ELFN2: variants seen among roughly 807,000 people sequenced by gnomAD.
ELFN2 encodes the protein protein phosphatase 1 regulatory subunit 29.
ELFN2 carries 17 observed loss-of-function variants against 45.5 expected under a neutral mutation model. The observed-to-expected ratio is 0.37, with a 90% confidence interval of 0.26 to 0.56. The LOEUF (loss-of-function observed/expected upper bound fraction) is 0.56, where lower values mean the gene tolerates loss of function less well. Among genes scored for constraint, ELFN2 ranks in the 20% least tolerant of loss-of-function variants. ELFN2 has a pLI of 0.77. For missense variants in ELFN2, 922 were observed against 1,183.2 expected (o/e 0.78, Z 3.24); for synonymous variants, 550 against 551.5 (o/e 1.00, Z 0.04).
In ELFN2 at chr22:37,389,729, C is replaced by A. The variant is rs191228832; in HGVS notation, c.-462-13733G>T. Among the ~76,000 whole-genome samples, 526 of 152,288 alleles carry A rather than the reference C, an allele frequency of 3.5e-3. 2 individuals carry two copies. Among genetic ancestry groups the A allele is most frequent in the African/African-American group, 0.012 (496 of 41,536 alleles). ...TCTCTCCTGGTGCTGAGCTGTTTAG[C>A]CCTTGCCTGTCTTCTCCATGCCCCC... On this transcript the variant is annotated intron_variant, in intron 2 of 2. Coordinates refer to ENST00000402918, the MANE Select transcript of ELFN2 (RefSeq NM_052906.5).
At chr22:37,393,608 T>C (rs1166571305) in intron 2 of ELFN2, among the ~76,000 whole-genome samples, 3 of 152,140 alleles carry the variant, frequency 2.0e-5, no homozygotes, top group Non-Finnish European at 2.9e-5. Context: ...CTAAGTCCCA[T>C]ATGGTCCCAT....
chr22:37,394,592 G>A lies in ELFN2; in HGVS notation c.-462-18596C>T, dbSNP rs76845248. Among the ~76,000 whole-genome samples the A allele has an allele frequency of 1.0e-2, 1,517 of 152,296 alleles. 22 individuals are homozygous for A. The highest frequency in any genetic ancestry group is 0.034 in the African/African-American group (1,427 of 41,566). ...TGGCCAGCACCGTGAGTCCTCCCCC[G>A]CAGCTCCCGCCCCGGCACACAGTAG... On this transcript the variant is annotated intron_variant, in intron 2 of 2. Coordinates refer to ENST00000402918, the MANE Select transcript of ELFN2 (RefSeq NM_052906.5).
intron 2 of ELFN2, among the ~76,000 whole-genome samples, chr22:37,413,594 G>A (rs974500978): frequency 1.3e-5 from 2 of 150,830 alleles, no homozygotes; most frequent in Admixed American, 1.3e-4. Context: ...AGATCCCACA[G>A]CCCATTAATG....
At chr22:37,413,701 C>A (rs1269908244) in intron 2 of ELFN2, among the ~76,000 whole-genome samples, 3 of 152,174 alleles carry the variant, frequency 2.0e-5, no homozygotes, top group Non-Finnish European at 1.5e-5. Flanking sequence ...CCCCATTTTA[C>A]AGACAAGTAA....
In ELFN2 at chr22:37,375,837, C is replaced by CCTT; in HGVS notation, c.-304_-303insAAG. ...GGTTCTCAGGGCTTGACTTCCTCTC[C>CCTT]CTCCTCCTCCTCCTCCTCCTCCTCC... On this transcript the variant is annotated 5_prime_UTR_variant, in exon 3 of 3. Coordinates refer to ENST00000402918, the MANE Select transcript of ELFN2 (RefSeq NM_052906.5). The CCTT allele has an allele frequency of 5.7e-6, 1 of 176,410 alleles. No homozygotes were observed. Among genetic ancestry groups the CCTT allele is most frequent in the Middle Eastern group, 1.5e-3 (1 of 686 alleles). The allele number at this position is 176,410 out of a possible 1,614,324, so 10.9% of individuals were successfully genotyped here.
At chr22:37,398,319 C>A (rs6000712) in intron 2 of ELFN2, among the ~76,000 whole-genome samples, 1 of 152,034 alleles carries the variant, frequency 6.6e-6, no homozygotes, top group African/African-American at 2.4e-5. Flanking sequence ...CCAGCCTGGC[C>A]TCTCCCTCCT....
chr22:37,359,060 T>C (rs1260233472), intron 1 of ELFN2, among the ~76,000 whole-genome samples: 1 of 151,918 alleles, frequency 6.6e-6, no homozygotes, highest in Admixed American at 6.6e-5. Flanking sequence ...CCCTGGGGCT[T>C]GGGGGAGTGC....
intron 2 of ELFN2, among the ~76,000 whole-genome samples, chr22:37,388,935 G>A (rs189255725): frequency 1.3e-5 from 2 of 152,196 alleles, no homozygotes; most frequent in Admixed American, 6.5e-5. Context: ...GGGGCTTCGT[G>A]GGGGGCGTCC....
intron 2 of ELFN2, among the ~76,000 whole-genome samples, chr22:37,412,927 CCCA>C (rs1229361961): frequency 1.3e-5 from 2 of 152,162 alleles, no homozygotes; most frequent in Non-Finnish European, 2.9e-5. Context: ...AACCACGCTC[CCCA>C]CTTCCTCCCC....
At chr22:37,365,219 C>T (rs1189446385), downstream of ELFN2, among the ~76,000 whole-genome samples, 1 of 152,218 alleles carries the variant, frequency 6.6e-6, no homozygotes, top group African/African-American at 2.4e-5. Context: ...ATCCCCCAAA[C>T]CCTGCAGCCA....
In ELFN2 at chr22:37,373,894, G is replaced by A. The variant is rs761510007; in HGVS notation, c.1641C>T (p.Ile547=). 6.2e-7 allele frequency: 1 copy of A among 1,613,488 alleles called. No individual in the cohort carries two copies. The highest frequency in any genetic ancestry group is 8.5e-7 in the Non-Finnish European group (1 of 1,179,978). ...IAKEVDKVNQ[I]INNCIDALKL... is the part of the protein sequence containing the mutation. Reference sequence around the variant, plus strand: ...TGAGAGCATCGATGCAGTTGTTAATGATCTGGTTGACCTTGTCCACCTCCT... The same window carrying A: ...TGAGAGCATCGATGCAGTTGTTAATAATCTGGTTGACCTTGTCCACCTCCT... Residue 547 remains isoleucine, a synonymous_variant, in exon 3 of 3, where the codon ATC becomes ATT. Coordinates refer to ENST00000402918, the MANE Select transcript of ELFN2 (RefSeq NM_052906.5).
intron 1 of ELFN2, among the ~76,000 whole-genome samples, chr22:37,361,263 T>C (rs1931078964): frequency 6.6e-6 from 1 of 152,130 alleles, no homozygotes; most frequent in South Asian, 2.1e-4. Flanking sequence ...GAGAAAAATA[T>C]GCTTTTTACT....
Position 37,341,547 on chromosome 22 carries a change from G to T in ELFN2, n.252-578C>A, listed in dbSNP as rs550611170. ...CTGGGCAAGCCACTTTCCCTCACTG[G>T]GCCATATTTCCAACGTGGTTGAAGG... On this transcript the variant is annotated intron_variant and non_coding_transcript_variant, in intron 2 of 2. Transcript: ENST00000452946. Among the ~76,000 whole-genome samples the T allele has an allele frequency of 3.9e-5, 6 of 152,288 alleles. No individual in the cohort carries two copies. The East Asian group carries it at 1.2e-3, about 29-fold the overall frequency.
chr22:37,388,934 T>TG (rs941648401), intron 2 of ELFN2, among the ~76,000 whole-genome samples: 2 of 152,132 alleles, frequency 1.3e-5, no homozygotes, highest in African/African-American at 4.8e-5. Context: ...CGGGGCTTCG[T>TG]GGGGGGCGTC....
At chr22:37,377,774 G>A (rs1931623892) in intron 2 of ELFN2, among the ~76,000 whole-genome samples, 1 of 152,250 alleles carries the variant, frequency 6.6e-6, no homozygotes, top group African/African-American at 2.4e-5. Flanking sequence ...AAGGCAGCCA[G>A]GCAGGAAGGG....
chr22:37,381,461 C>G (rs1040404361), intron 2 of ELFN2, among the ~76,000 whole-genome samples: 1 of 152,060 alleles, frequency 6.6e-6, no homozygotes, highest in Admixed American at 6.6e-5. Context: ...GACCTTTGCT[C>G]TTCTCTCTGC....
At position 37,372,935 on chromosome 22, in the gene ELFN2, C is replaced by A. The variant is rs1041967438; in HGVS notation, c.*137G>T. 3 of 896,346 alleles carry A rather than the reference C, an allele frequency of 3.3e-6. No individual in the cohort carries two copies. The highest frequency in any genetic ancestry group is 5.3e-5 in the East Asian group (2 of 37,400). The allele number at this position is 896,346 out of a possible 1,614,324, so 55.5% of individuals were successfully genotyped here. A position where few individuals can be genotyped will look rare whatever the true frequency, so the allele number is the denominator to read the frequency against. On this transcript the variant is annotated 3_prime_UTR_variant, in exon 3 of 3. Coordinates refer to ENST00000402918, the MANE Select transcript of ELFN2 (RefSeq NM_052906.5). This position sits in a 1 kb window ranked among gnomAD's most constrained non-coding sequence, Gnocchi z 4.4. The stretch of plus-strand genomic sequence containing the variant: ...TGGTGGTCAGGTGTGTGTGTGCGTG[C>A]GTGCGTGCGGGTCTGCATGTGCGTC...
At chr22:37,376,927 T>C (rs2145639367) in intron 2 of ELFN2, among the ~76,000 whole-genome samples, 1 of 152,248 alleles carries the variant, frequency 6.6e-6, no homozygotes, top group East Asian at 1.9e-4. Flanking sequence ...CCAACTAACA[T>C]AGCACAGCCT....
downstream of ELFN2, among the ~76,000 whole-genome samples, chr22:37,363,442 GA>G (rs1931132651): frequency 6.6e-6 from 1 of 152,132 alleles, no homozygotes; most frequent in African/African-American, 2.4e-5. Context: ...ACCCCCCTGG[GA>G]ACTCCTTCAC....
Sources: gnomAD v4.1 joint callset for allele counts (sites outside exome capture counted in the v4.1 genomes callset) on GRCh38, gnomAD v4.1.1 for gene constraint, Gnocchi (gnomAD v3.1) non-coding constraint, MANE v1.5 for transcripts, NCBI Gene and HGNC (gene_info 2026-07-23, HGNC 2026-07-21) for gene names.